TRPC4AP: variants seen among roughly 807,000 people sequenced by gnomAD.
The protein encoded by TRPC4AP is transient receptor potential cation channel subfamily C member 4 associated protein, also known as short transient receptor potential channel 4-associated protein.
TRPC4AP carries 45 observed loss-of-function variants against 99.0 expected under a neutral mutation model. The ratio of observed to expected loss-of-function variants is 0.45; its 90% CI spans 0.36 to 0.58. TRPC4AP has a LOEUF of 0.58. Ranked by LOEUF, TRPC4AP falls within the 20% of genes least tolerant of loss-of-function variation. TRPC4AP has a pLI of 0.00. For missense variants in TRPC4AP, 879 were observed against 985.3 expected, an observed-to-expected ratio of 0.89 and a Z score of 1.44; for synonymous variants, 408 against 385.8, an observed-to-expected ratio of 1.06 and a Z score of -0.67.
chr20:35,032,503 G>C (rs6088685), intron 8 of TRPC4AP, among the ~76,000 whole-genome samples: 4 of 120,984 alleles, frequency 3.3e-5, no homozygotes, highest in Admixed American at 1.1e-4. Flanking sequence ...ACAGAGTCTC[G>C]CACTGTCGCC....
In TRPC4AP at chr20:35,078,250, G is replaced by A. The variant is rs188815257; in HGVS notation, c.169-76C>T. 8.3e-5 allele frequency: 125 copies of A among 1,513,416 alleles called. 1 individual carries two copies. Among genetic ancestry groups the A allele is most frequent in the Middle Eastern group, 2.3e-4 (1 of 4,318 alleles). 93.7% of individuals were successfully genotyped at this position (1,513,416 alleles called of 1,614,324 possible). ...GCTGATACGGCAAAGGAGAGCAGCC[G>A]ACTTCCAAACCCACCCAGGACAGTT... On this transcript the variant is annotated intron_variant, in intron 1 of 18. Transcript: ENST00000252015.
intron 7 of TRPC4AP, among the ~76,000 whole-genome samples, chr20:35,042,092 A>G (rs1401913148): frequency 6.6e-6 from 1 of 152,248 alleles, no homozygotes; most frequent in Admixed American, 6.5e-5. Context: ...TATATGTGCC[A>G]TGTTGGAAAG....
intron 9 of TRPC4AP, 77 bp downstream of exon 9, chr20:35,021,113 A>G (rs567252594): frequency 1.1e-5 from 16 of 1,494,440 alleles, no homozygotes; most frequent in Admixed American, 3.6e-5. Flanking sequence ...CAGAAGGCCC[A>G]GTGGAGCACC....
At position 35,006,586 on chromosome 20, in the gene TRPC4AP, A is replaced by G; in HGVS notation, c.1687-11T>C. On this transcript the variant is annotated splice_polypyrimidine_tract_variant and intron_variant, in intron 14 of 18. Transcript: ENST00000252015. ...GCAGTAAAGGATGTGCTGGGTGAGG[A>G]GGGACAGGGTGAAGGTGTCAACGTG... is the stretch of plus-strand genomic sequence containing the variant. 6.2e-7 allele frequency: 1 copy of G among 1,612,716 alleles called. No homozygotes were observed. Among genetic ancestry groups the G allele is most frequent in the South Asian group, 1.1e-5 (1 of 90,964 alleles).
chr20:35,072,685 C>T lies in TRPC4AP; in HGVS notation c.298-3273G>A, dbSNP rs2084350897. 2.0e-5 allele frequency among the ~76,000 whole-genome samples: 3 copies of T among 152,236 alleles called. No homozygotes were observed. In the South Asian group the frequency reaches 6.2e-4, roughly 32 times the overall value. On this transcript the variant is annotated intron_variant, in intron 2 of 18. Coordinates refer to ENST00000252015, the MANE Select transcript of TRPC4AP (RefSeq NM_015638.3). The stretch of plus-strand genomic sequence containing the variant: ...TACCATGCTGTTTTGGTTACAGTAG[C>T]CTTGTAGTATAGTTTGAAGTCAGGT...
At chr20:35,031,390 C>CT (rs71299218) in intron 8 of TRPC4AP, among the ~76,000 whole-genome samples, 895 of 73,630 alleles carry the variant, frequency 0.012, 22 homozygotes, top group Middle Eastern at 0.036. Flanking sequence ...CCCTGGTTAA[C>CT]TTTTTTTTTT....
In TRPC4AP at chr20:35,053,261, C is replaced by A. The variant is rs185809335; in HGVS notation, c.528+1715G>T. 7.6e-3 allele frequency among the ~76,000 whole-genome samples: 1,163 copies of A among 152,276 alleles called. 9 individuals carry two copies. Among genetic ancestry groups the A allele is most frequent in the Middle Eastern group, 0.014 (4 of 294 alleles). ...GAACAGAATATTATAAACTAAGTCA[C>A]CCTTACTGATTTATCTAACACTAGG... is the stretch of plus-strand genomic sequence containing the variant. On this transcript the variant is annotated intron_variant, in intron 5 of 18. Transcript: ENST00000252015.
chr20:35,055,714 T>C (rs1600605827), intron 4 of TRPC4AP, among the ~76,000 whole-genome samples: 1 of 152,226 alleles, frequency 6.6e-6, no homozygotes, highest in Non-Finnish European at 1.5e-5. Context: ...TTGTTATAAA[T>C]TTCCATTGAA....
At chr20:35,003,388 C>A in intron 18 of TRPC4AP, 22 bp downstream of exon 18, 2 of 1,532,628 alleles carry the variant, frequency 1.3e-6, no homozygotes, top group South Asian at 1.1e-5. Context: ...ACCCATCACC[C>A]CCTTGAGGGT....
At chr20:35,027,853 C>A (rs920837343) in intron 8 of TRPC4AP, among the ~76,000 whole-genome samples, 1 of 151,804 alleles carries the variant, frequency 6.6e-6, no homozygotes, top group Non-Finnish European at 1.5e-5. Flanking sequence ...TGTAACGTAC[C>A]TTCTTTCATT....
intron 8 of TRPC4AP, among the ~76,000 whole-genome samples, chr20:35,022,441 C>G (rs960249347): frequency 1.3e-5 from 2 of 152,200 alleles, no homozygotes; most frequent in Middle Eastern, 3.2e-3. Flanking sequence ...CAGGCGTGAG[C>G]CACGGTGCCC....
intron 8 of TRPC4AP, among the ~76,000 whole-genome samples, chr20:35,022,900 G>A (rs1287615786): frequency 6.6e-6 from 1 of 152,050 alleles, no homozygotes; most frequent in Admixed American, 6.6e-5. Context: ...GCATGCGCCT[G>A]TAGTCCCAGC....
chr20:35,019,426 G>C (rs1310254030), intron 9 of TRPC4AP, among the ~76,000 whole-genome samples: 1 of 152,166 alleles, frequency 6.6e-6, no homozygotes, highest in East Asian at 1.9e-4. Context: ...TGAGAGGGCA[G>C]AAAGAGGAGA....
At chr20:35,037,443 G>A (rs1170409718) in intron 7 of TRPC4AP, among the ~76,000 whole-genome samples, 1 of 151,572 alleles carries the variant, frequency 6.6e-6, no homozygotes, top group East Asian at 1.9e-4. Context: ...GAAAACAGGT[G>A]CACACACAAA....
intron 3 of TRPC4AP, among the ~76,000 whole-genome samples, chr20:35,058,077 G>C (rs193041532): frequency 2.6e-5 from 4 of 152,240 alleles, no homozygotes; most frequent in African/African-American, 9.6e-5. Flanking sequence ...TCTACGGAGA[G>C]AAAGGATAGT....
intron 8 of TRPC4AP, among the ~76,000 whole-genome samples, chr20:35,026,120 A>C (rs1569098046): frequency 6.6e-6 from 1 of 152,124 alleles, no homozygotes; most frequent in Non-Finnish European, 1.5e-5. Context: ...ACTCTCAACA[A>C]TATTCCATTG....
intron 7 of TRPC4AP, 104 bp downstream of exon 7, chr20:35,044,400 GA>G (rs11483863): frequency 0.045 from 39,031 of 863,284 alleles, 2 homozygotes; most frequent in South Asian, 0.059. Flanking sequence ...CTCAAAAAAG[GA>G]AAAAAAAAAA....
In TRPC4AP at chr20:35,067,392, T is replaced by C. The variant is rs371962225; in HGVS notation, c.414+1904A>G. ...AGTGTTGGCAAGGATACAGAAAAAC[T>C]GAAACCCTTATACACTGCTGGTGGC... On this transcript the variant is annotated intron_variant, in intron 3 of 18. Coordinates refer to ENST00000252015, the MANE Select transcript of TRPC4AP (RefSeq NM_015638.3). Among the ~76,000 whole-genome samples the C allele has an allele frequency of 9.2e-5, 14 of 152,316 alleles. No homozygotes were observed. The East Asian group carries it at 2.7e-3, about 29-fold the overall frequency.
At position 35,003,528 on chromosome 20, in the gene TRPC4AP, T is replaced by TGCA; in HGVS notation, c.2135_2137dup (p.Leu712dup). 1 of 1,613,920 alleles carries TGCA rather than the reference T, an allele frequency of 6.2e-7. No individual in the cohort carries two copies. Among genetic ancestry groups the TGCA allele is most frequent in the Non-Finnish European group, 8.5e-7 (1 of 1,180,002 alleles). On this transcript the variant is annotated inframe_insertion, in exon 18 of 19. Transcript: ENST00000252015. Reference sequence around the variant, plus strand: ...GTACTTCTTGCTGTGCTCCATCCGCTGCAGCAGCCGCAGGTACAGGGGCAG... The same window carrying TGCA: ...GTACTTCTTGCTGTGCTCCATCCGCTGCAGCAGCAGCCGCAGGTACAGGGGCAG...
Sources: gnomAD v4.1 joint callset for allele counts (sites outside exome capture counted in the v4.1 genomes callset) on GRCh38, gnomAD v4.1.1 for gene constraint, MANE v1.5 for transcripts, NCBI Gene and HGNC (gene_info 2026-07-23, HGNC 2026-07-21) for gene names.